The following FNBP1 variants were observed in gnomAD, a reference collection of about 807,000 sequenced individuals.
The protein encoded by FNBP1 is formin binding protein 1.
FNBP1 carries 26 observed loss-of-function variants against 90.6 expected under a neutral mutation model. That is an observed-to-expected ratio of 0.29 (90% CI 0.21 to 0.40). The LOEUF (loss-of-function observed/expected upper bound fraction) is 0.40, where lower values mean the gene tolerates loss of function less well. Among genes scored for constraint, FNBP1 ranks in the 10% least tolerant of loss-of-function variants. FNBP1 has a pLI of 1.00. For missense variants in FNBP1, 635 were observed against 768.0 expected (o/e 0.83, Z 2.05); for synonymous variants, 260 against 265.2 (o/e 0.98, Z 0.19).
At chr9:130,043,997 T>G, upstream of FNBP1, among the ~76,000 whole-genome samples, 1 of 152,240 alleles carries the variant, frequency 6.6e-6, no homozygotes. Flanking sequence ...TCCATCTCAC[T>G]GCCCGGCGGT....
intron 1 of FNBP1, among the ~76,000 whole-genome samples, chr9:130,038,310 GTGCGA>G (rs1385594994): frequency 6.8e-6 from 1 of 146,854 alleles, no homozygotes; most frequent in African/African-American, 2.5e-5. Flanking sequence ...AGCAGAGATC[GTGCGA>G]CCCACTGCAC....
chr9:130,024,937 T>C (rs1184817886), intron 1 of FNBP1, among the ~76,000 whole-genome samples: 3 of 152,146 alleles, frequency 2.0e-5, no homozygotes, highest in Non-Finnish European at 2.9e-5. Context: ...CCCAGCACTT[T>C]GGGAGGCCGA....
At chr9:130,007,270 G>C (rs373384298) in intron 1 of FNBP1, among the ~76,000 whole-genome samples, 7 of 121,622 alleles carry the variant, frequency 5.8e-5, no homozygotes, top group Non-Finnish European at 1.1e-4. Context: ...AAAAAAAAAA[G>C]AATGCAGAAA....
chr9:129,976,279 C>T (rs75855921), intron 4 of FNBP1, among the ~76,000 whole-genome samples: 9,987 of 152,174 alleles, frequency 0.066, 439 homozygotes, highest in Admixed American at 0.12. Flanking sequence ...TCCCTGGCCT[C>T]TTCTCTCTAG....
chr9:129,954,355 A>C (rs975365513), intron 6 of FNBP1, among the ~76,000 whole-genome samples: 2 of 152,164 alleles, frequency 1.3e-5, no homozygotes, highest in African/African-American at 2.4e-5. Context: ...ATTTCAGAAA[A>C]AAGAGCAAAC....
chr9:129,973,977 ATT>A (rs1354335663), intron 4 of FNBP1, among the ~76,000 whole-genome samples: 3 of 151,724 alleles, frequency 2.0e-5, no homozygotes, highest in Admixed American at 1.3e-4. Flanking sequence ...TGCCCAGCTA[ATT>A]TTTTAAAATG....
At chr9:130,039,613 T>C (rs1228149660) in intron 1 of FNBP1, among the ~76,000 whole-genome samples, 2 of 150,460 alleles carry the variant, frequency 1.3e-5, no homozygotes, top group Non-Finnish European at 2.9e-5. Flanking sequence ...GAAGTGAAAG[T>C]TGCAGTGAGC....
chr9:129,992,120 G>C (rs981097055), intron 2 of FNBP1, among the ~76,000 whole-genome samples: 4 of 152,176 alleles, frequency 2.6e-5, no homozygotes, highest in African/African-American at 9.7e-5. Context: ...ACTGGGAAGG[G>C]AGAAGGACTG....
chr9:130,021,074 T>C (rs1384085140), intron 1 of FNBP1, among the ~76,000 whole-genome samples: 1 of 152,188 alleles, frequency 6.6e-6, no homozygotes, highest in Non-Finnish European at 1.5e-5. Flanking sequence ...TGGTTATTTT[T>C]TTCCAAGTAC....
intron 4 of FNBP1, among the ~76,000 whole-genome samples, chr9:129,975,896 C>A (rs1459229149): frequency 2.0e-5 from 2 of 97,626 alleles, no homozygotes; most frequent in Admixed American, 1.2e-4. Context: ...CAGTGAGACT[C>A]CATCTTAAAA....
intron 6 of FNBP1, among the ~76,000 whole-genome samples, chr9:129,940,929 T>C (rs942879676): frequency 1.2e-4 from 18 of 151,928 alleles, no homozygotes; most frequent in African/African-American, 4.1e-4. Flanking sequence ...TGAGTTTTCA[T>C]ATATTTATGA....
chr9:129,905,666 C>G (rs975527213), intron 12 of FNBP1, among the ~76,000 whole-genome samples: 1 of 146,034 alleles, frequency 6.8e-6, no homozygotes, highest in Non-Finnish European at 1.6e-5. Context: ...TGAGATAGAT[C>G]GTAAGTGAGG....
intron 2 of FNBP1, among the ~76,000 whole-genome samples, chr9:129,982,933 G>T (rs1173973790): frequency 6.6e-6 from 1 of 152,106 alleles, no homozygotes; most frequent in Non-Finnish European, 1.5e-5. Context: ...CAAAGTGCTG[G>T]AATTACAGGC....
At chr9:130,037,685 A>G (rs954237366) in intron 1 of FNBP1, among the ~76,000 whole-genome samples, 2 of 152,228 alleles carry the variant, frequency 1.3e-5, no homozygotes, top group Non-Finnish European at 2.9e-5. Flanking sequence ...CAGAAAGGAT[A>G]TGGAAAATCT....
At chr9:129,905,987 G>A (rs182827924) in intron 12 of FNBP1, among the ~76,000 whole-genome samples, 4 of 151,688 alleles carry the variant, frequency 2.6e-5, no homozygotes, top group African/African-American at 9.7e-5. Context: ...GGGTTCAAGC[G>A]ACTCTCCTGC....
chr9:130,043,227 CGG>C, upstream of FNBP1: 1 of 326,302 alleles, frequency 3.1e-6, no homozygotes, highest in Non-Finnish European at 5.5e-6. Context: ...ACCCGGAGAG[CGG>C]GGGAGGGGCG....
intron 6 of FNBP1, among the ~76,000 whole-genome samples, chr9:129,933,254 A>T (rs1050211266): frequency 2.0e-5 from 3 of 152,108 alleles, no homozygotes; most frequent in African/African-American, 7.2e-5. Context: ...CACACAACCC[A>T]TGAGAGCAGA....
intron 11 of FNBP1, chr9:129,914,839 G>C: frequency 2.7e-6 from 1 of 376,318 alleles, no homozygotes; most frequent in Non-Finnish European, 5.5e-6. Context: ...TGTGCTTATA[G>C]TGCTGATCTT....
intron 2 of FNBP1, among the ~76,000 whole-genome samples, chr9:129,984,882 TTC>T (rs2051909297): frequency 6.6e-6 from 1 of 152,124 alleles, no homozygotes; most frequent in Non-Finnish European, 1.5e-5. Context: ...CCAGCCATGA[TTC>T]TGAGGCCTCC....
Sources: allele counts gnomAD v4.1 joint callset (sites outside exome capture counted in the v4.1 genomes callset), GRCh38; gene constraint gnomAD v4.1.1; transcripts MANE v1.5; gene names NCBI Gene and HGNC (gene_info 2026-07-23, HGNC 2026-07-21).